PPP3CC: variants seen among roughly 807,000 people sequenced by gnomAD.
PPP3CC encodes the protein serine/threonine-protein phosphatase 2B catalytic subunit gamma isoform.
Under a neutral mutation model 60.3 loss-of-function variants are expected in PPP3CC, and 35 were observed. The observed-to-expected ratio is 0.58, with a 90% confidence interval of 0.44 to 0.77. The LOEUF (loss-of-function observed/expected upper bound fraction) is 0.77. Ranked by LOEUF, PPP3CC falls within the 30% of genes least tolerant of loss-of-function variation. The pLI is 0.00. For synonymous variants in PPP3CC, 206 were observed against 224.3 expected, an observed-to-expected ratio of 0.92 and a Z score of 0.73; for missense variants, 570 against 628.9, an observed-to-expected ratio of 0.91 and a Z score of 1.00.
intron 12 of PPP3CC, among the ~76,000 whole-genome samples, chr8:22,536,810 T>G (rs1839853747): frequency 6.6e-6 from 1 of 152,238 alleles, no homozygotes; most frequent in Non-Finnish European, 1.5e-5. Context: ...TGGAGAGCTT[T>G]CAACCAACAG....
intron 1 of PPP3CC, among the ~76,000 whole-genome samples, chr8:22,474,419 T>C (rs893067527): frequency 2.0e-5 from 3 of 151,826 alleles, no homozygotes; most frequent in Non-Finnish European, 2.9e-5. Flanking sequence ...GTGTAAAACA[T>C]AGGGCTGGGC....
chr8:22,444,086 A>G (rs1183558757), intron 1 of PPP3CC, among the ~76,000 whole-genome samples: 1 of 152,144 alleles, frequency 6.6e-6, no homozygotes, highest in Non-Finnish European at 1.5e-5. Context: ...TTTAAATAGC[A>G]GCTTTCTTAA....
intron 12 of PPP3CC, 83 bp downstream of exon 12, chr8:22,533,101 C>G: frequency 7.8e-6 from 8 of 1,028,160 alleles, no homozygotes; most frequent in Non-Finnish European, 1.1e-5. Flanking sequence ...GGGCTTTCCT[C>G]AGAAAATGCC....
At chr8:22,500,527 G>T (rs995260959) in intron 4 of PPP3CC, among the ~76,000 whole-genome samples, 2 of 152,068 alleles carry the variant, frequency 1.3e-5, no homozygotes, top group African/African-American at 4.8e-5. Context: ...GAGACTCAAA[G>T]TTTATTAATC....
chr8:22,507,202 T>G (rs1294489518), intron 4 of PPP3CC, among the ~76,000 whole-genome samples: 1 of 152,200 alleles, frequency 6.6e-6, no homozygotes, highest in Non-Finnish European at 1.5e-5. Flanking sequence ...TGTGATTTCT[T>G]GCAAGTAGTG....
chr8:22,526,677 G>A (rs1839569854), intron 8 of PPP3CC, among the ~76,000 whole-genome samples: 1 of 152,092 alleles, frequency 6.6e-6, no homozygotes, highest in Non-Finnish European at 1.5e-5. Flanking sequence ...CAACATTGCT[G>A]GTGATAAAGG....
intron 12 of PPP3CC, among the ~76,000 whole-genome samples, chr8:22,535,308 C>T (rs1010698439): frequency 7.2e-5 from 11 of 151,986 alleles, no homozygotes; most frequent in Admixed American, 2.6e-4. Flanking sequence ...GGTTGATGTT[C>T]GTGAGAATAA....
At chr8:22,471,853 A>G (rs1652067439) in intron 1 of PPP3CC, among the ~76,000 whole-genome samples, 1 of 152,138 alleles carries the variant, frequency 6.6e-6, no homozygotes, top group African/African-American at 2.4e-5. Context: ...TTGGCTGGGC[A>G]TGGTGGCTCA....
intron 4 of PPP3CC, among the ~76,000 whole-genome samples, chr8:22,505,698 G>T (rs1447912547): frequency 6.6e-6 from 1 of 152,096 alleles, no homozygotes; most frequent in African/African-American, 2.4e-5. Context: ...CATGACATAG[G>T]AGCCGCTATA....
At chr8:22,536,345 GA>G (rs1019058138) in intron 12 of PPP3CC, among the ~76,000 whole-genome samples, 1 of 152,016 alleles carries the variant, frequency 6.6e-6, no homozygotes, top group Non-Finnish European at 1.5e-5. Context: ...TGAGTTAAGA[GA>G]AAAAAAGGAA....
intron 4 of PPP3CC, among the ~76,000 whole-genome samples, chr8:22,504,575 G>T (rs1838855628): frequency 6.6e-6 from 1 of 152,172 alleles, no homozygotes; most frequent in South Asian, 2.1e-4. Flanking sequence ...TGAGATTACA[G>T]ATGTGAGCTG....
intron 3 of PPP3CC, among the ~76,000 whole-genome samples, chr8:22,497,789 G>A (rs1466329709): frequency 6.6e-6 from 1 of 152,160 alleles, no homozygotes; most frequent in Non-Finnish European, 1.5e-5. Flanking sequence ...TAGATATTTA[G>A]ATAGAACATG....
At chr8:22,494,005 C>G (rs1402376579) in intron 3 of PPP3CC, among the ~76,000 whole-genome samples, 2 of 152,058 alleles carry the variant, frequency 1.3e-5, no homozygotes, top group Non-Finnish European at 2.9e-5. Flanking sequence ...GGCTACATCA[C>G]TAGGGTGTAG....
At position 22,513,515 on chromosome 8, in the gene PPP3CC, A is replaced by G. The variant is rs1239248237; in HGVS notation, c.770+83A>G. 6 of 1,427,816 alleles carry G rather than the reference A, an allele frequency of 4.2e-6. No homozygotes were observed. In the Admixed American group the frequency reaches 7.0e-5, roughly 17 times the overall value. 88.4% of individuals were successfully genotyped at this position (1,427,816 alleles called of 1,614,324 possible). ...ATGATTTTTCAGCATTTTATATTTC[A>G]AATCTATGTAGTATAAGCACTCCTG... is the stretch of plus-strand genomic sequence containing the variant. On this transcript the variant is annotated intron_variant, in intron 6 of 13. Coordinates refer to ENST00000240139, the MANE Select transcript of PPP3CC (RefSeq NM_005605.5).
chr8:22,492,878 C>A, intron 3 of PPP3CC: 1 of 1,088,948 alleles, frequency 9.2e-7, no homozygotes, highest in East Asian at 2.4e-5. Flanking sequence ...CCATTACAGG[C>A]CATGCTGAGA....
chr8:22,520,110 GTT>G (rs35088320), intron 6 of PPP3CC, among the ~76,000 whole-genome samples: 2 of 151,868 alleles, frequency 1.3e-5, no homozygotes, highest in Non-Finnish European at 2.9e-5. Flanking sequence ...TGGTTGGCAG[GTT>G]TTTTTTTCTT....
At chr8:22,482,750 A>G (rs1408024564) in intron 3 of PPP3CC, among the ~76,000 whole-genome samples, 1 of 152,216 alleles carries the variant, frequency 6.6e-6, no homozygotes, top group East Asian at 1.9e-4. Flanking sequence ...AACCGGATGA[A>G]AAGAGTACTT....
In PPP3CC at chr8:22,527,523, A is replaced by T. The variant is rs756406498; in HGVS notation, c.1069+6A>T. On this transcript the variant is annotated splice_donor_region_variant and intron_variant, in intron 9 of 13. Transcript: ENST00000240139. ...GCCTTTTGTTGGGGAAAAAGGTAAG[A>T]GAACTAAAGCACATGTCTCATCAGT... 6.8e-6 allele frequency: 11 copies of T among 1,613,596 alleles called. 1 individual carries two copies. The South Asian group carries it at 9.9e-5, about 14-fold the overall frequency.
intron 3 of PPP3CC, among the ~76,000 whole-genome samples, chr8:22,481,375 T>C (rs1341672840): frequency 6.7e-6 from 1 of 148,556 alleles, no homozygotes; most frequent in Non-Finnish European, 1.5e-5. Flanking sequence ...ATAATAATAA[T>C]AATAATGATA....
Sources: gnomAD v4.1 joint callset for allele counts (sites outside exome capture counted in the v4.1 genomes callset) on GRCh38, gnomAD v4.1.1 for gene constraint, MANE v1.5 for transcripts, NCBI Gene and HGNC (gene_info 2026-07-23, HGNC 2026-07-21) for gene names.